Variants in KIAA1217 observed in about 807,000 individuals in gnomAD.
KIAA1217 encodes sickle tail protein homolog.
A neutral mutation model predicts 163.9 loss-of-function variants in KIAA1217; 88 were observed. The ratio of observed to expected loss-of-function variants is 0.54; its 90% confidence interval spans 0.45 to 0.64. The LOEUF (loss-of-function observed/expected upper bound fraction) is 0.64, where lower values mean the gene tolerates loss of function less well. Ranked by LOEUF, KIAA1217 falls within the 30% of genes least tolerant of loss-of-function variation. KIAA1217 has a pLI of 0.00. For synonymous variants in KIAA1217, 903 were observed against 923.1 expected (o/e 0.98, Z 0.39); for missense variants, 2,372 against 2,475.0 (o/e 0.96, Z 0.88).
intron 1 of KIAA1217, among the ~76,000 whole-genome samples, chr10:23,847,020 T>G (rs901032823): frequency 2.0e-5 from 3 of 152,176 alleles, no homozygotes; most frequent in Non-Finnish European, 4.4e-5. Context: ...TGGTTCTGTT[T>G]ATGTGATGGA....
chr10:23,894,378 C>G (rs1053791952), intron 1 of KIAA1217, among the ~76,000 whole-genome samples: 11 of 151,092 alleles, frequency 7.3e-5, no homozygotes, highest in Non-Finnish European at 1.5e-4. Context: ...CATGAGTGAA[C>G]TCCCATTCAC....
At chr10:24,036,078 A>C (rs567331577) in intron 2 of KIAA1217, among the ~76,000 whole-genome samples, 80 of 152,338 alleles carry the variant, frequency 5.3e-4, no homozygotes, top group African/African-American at 1.8e-3. Context: ...TGTGGCCTCG[A>C]ACCAGCCCCA....
At chr10:24,403,462 C>T (rs2131133480) in intron 3 of KIAA1217, among the ~76,000 whole-genome samples, 1 of 152,260 alleles carries the variant, frequency 6.6e-6, no homozygotes, top group East Asian at 1.9e-4. Context: ...TGTTCTCGAA[C>T]TCCTGACCTC....
At position 24,122,468 on chromosome 10, in the gene KIAA1217, C is replaced by A. The variant is rs150411130; in HGVS notation, c.-170-97158C>A. Among the ~76,000 whole-genome samples the A allele has an allele frequency of 3.0e-3, 455 of 152,160 alleles. 3 individuals carry two copies. The highest frequency in any genetic ancestry group is 0.01 in the African/African-American group (434 of 41,502). ...TGCTGTGACGATATGTTCAAATATT[C>A]AACATATCAGAATAGTCCATGATTA... On this transcript the variant is annotated intron_variant, in intron 2 of 18. Transcript: ENST00000376462.
chr10:24,086,568 C>T (rs539392397), intron 2 of KIAA1217, among the ~76,000 whole-genome samples: 2 of 151,960 alleles, frequency 1.3e-5, no homozygotes, highest in Non-Finnish European at 2.9e-5. Flanking sequence ...TGGAAGAAAG[C>T]TTTAGTTTCA....
intron 2 of KIAA1217, among the ~76,000 whole-genome samples, chr10:24,015,201 G>A (rs559562450): frequency 6.1e-4 from 93 of 152,228 alleles, no homozygotes; most frequent in African/African-American, 2.2e-3. Flanking sequence ...ATAAAGGGCT[G>A]TACAATGAGA....
At chr10:24,017,735 A>T (rs1847549035) in intron 2 of KIAA1217, among the ~76,000 whole-genome samples, 2 of 152,164 alleles carry the variant, frequency 1.3e-5, no homozygotes, top group Admixed American at 6.5e-5. Flanking sequence ...GCAGTTCCAC[A>T]GAAGCACAGC....
intron 2 of KIAA1217, among the ~76,000 whole-genome samples, chr10:24,226,861 T>TA (rs1170417465): frequency 6.6e-6 from 1 of 152,110 alleles, no homozygotes; most frequent in Non-Finnish European, 1.5e-5. Flanking sequence ...TGCTATTTTT[T>TA]ATGTCTTCAT....
At chr10:23,718,851 G>GGA (rs776399248) in intron 1 of KIAA1217, among the ~76,000 whole-genome samples, 1 of 140,992 alleles carries the variant, frequency 7.1e-6, no homozygotes, top group East Asian at 2.0e-4. Context: ...GGAGGGAGGG[G>GGA]GAGAGAGAGA....
chr10:24,240,101 G>A (rs2072879913), intron 2 of KIAA1217, among the ~76,000 whole-genome samples: 1 of 152,156 alleles, frequency 6.6e-6, no homozygotes, highest in Non-Finnish European at 1.5e-5. Context: ...TGCTTCGGCT[G>A]CCAGTGAGGA....
At chr10:24,354,743 C>CTCCTCTGCTCTTCTGT (rs2048870352) in intron 2 of KIAA1217, among the ~76,000 whole-genome samples, 1 of 148,678 alleles carries the variant, frequency 6.7e-6, no homozygotes, top group African/African-American at 2.6e-5. Flanking sequence ...CTCTCCTCTG[C>CTCCTCTGCTCTTCTGT]TCCTCTGCTC....
intron 1 of KIAA1217, among the ~76,000 whole-genome samples, chr10:23,817,297 A>G (rs1052515910): frequency 7.9e-5 from 12 of 152,238 alleles, no homozygotes; most frequent in African/African-American, 2.9e-4. Flanking sequence ...CTTCTTCTTC[A>G]GAAGAATCCA....
chr10:24,469,150 G>C (rs754880812), intron 5 of KIAA1217, among the ~76,000 whole-genome samples: 31 of 149,508 alleles, frequency 2.1e-4, no homozygotes, highest in Admixed American at 4.7e-4. Flanking sequence ...TGGAGACAGA[G>C]AGTCTTGCTG....
At chr10:24,172,616 T>C (rs2065684041) in intron 2 of KIAA1217, among the ~76,000 whole-genome samples, 1 of 152,188 alleles carries the variant, frequency 6.6e-6, no homozygotes. Context: ...TGTCCAATGG[T>C]TAAACATGCT....
chr10:24,431,267 A>C (rs2059584424), intron 3 of KIAA1217, among the ~76,000 whole-genome samples: 1 of 152,212 alleles, frequency 6.6e-6, no homozygotes, highest in Non-Finnish European at 1.5e-5. Context: ...AGTTTACTCC[A>C]GTGGTAGTAG....
chr10:23,998,759 C>T (rs1487074738), intron 1 of KIAA1217, among the ~76,000 whole-genome samples: 3 of 152,180 alleles, frequency 2.0e-5, no homozygotes, highest in Non-Finnish European at 4.4e-5. Flanking sequence ...TTCTCATAAG[C>T]AGAGGGCCTT....
intron 2 of KIAA1217, among the ~76,000 whole-genome samples, chr10:24,056,610 T>C (rs1336046694): frequency 6.6e-6 from 1 of 152,160 alleles, no homozygotes; most frequent in Admixed American, 6.5e-5. Flanking sequence ...ATGAAAATCC[T>C]ATTGGAAAGA....
At chr10:23,852,473 G>T (rs1343945871) in intron 1 of KIAA1217, among the ~76,000 whole-genome samples, 2 of 152,116 alleles carry the variant, frequency 1.3e-5, no homozygotes, top group Non-Finnish European at 2.9e-5. Flanking sequence ...TGTTCTTTTG[G>T]CTTAGGATTG....
At position 24,219,857 on chromosome 10, in the gene KIAA1217, A is replaced by G. The variant is rs184688700; in HGVS notation, c.302A>G (p.Tyr101Cys). ...EAFLEHLKQKYPHHASAIMGH... is the reference protein window; with the variant it reads ...EAFLEHLKQKCPHHASAIMGH... ...TTCCTAGAACATCTGAAGCAGAAGT[A>G]CCCCCACCACGCCTCTGCAATCATG... Residue 101 changes from tyrosine to cysteine, a missense_variant, in exon 2 of 21, where the codon TAC (tyrosine) becomes TGC (cysteine). Tyr to Cys is a radical substitution (Grantham distance 194). Transcript: ENST00000376454. 25 of 1,613,226 alleles carry G rather than the reference A, an allele frequency of 1.5e-5. No homozygotes were observed. In the African/African-American group the frequency reaches 2.5e-4, roughly 16 times the overall value.
Sources: allele counts gnomAD v4.1 joint callset (sites outside exome capture counted in the v4.1 genomes callset), GRCh38; gene constraint gnomAD v4.1.1; transcripts MANE v1.5; gene names NCBI Gene and HGNC (gene_info 2026-07-23, HGNC 2026-07-21).